Variants in HMGCLL1 observed in about 807,000 individuals in gnomAD.
The protein encoded by HMGCLL1 is 3-hydroxy-3-methylglutaryl-CoA lyase like 1.
Under a neutral mutation model 39.1 loss-of-function variants are expected in HMGCLL1, and 36 were observed. The ratio of observed to expected loss-of-function variants is 0.92; its 90% CI spans 0.71 to 1.22. The LOEUF (loss-of-function observed/expected upper bound fraction) is 1.22. Among genes scored for constraint, HMGCLL1 ranks in the 50% most tolerant of loss-of-function variants. The probability of loss-of-function intolerance (pLI) is 0.00; values close to 1 mark genes in which losing one functional copy is unlikely to be tolerated. For missense variants in HMGCLL1, 451 were observed against 416.5 expected (o/e 1.08, Z -0.72); for synonymous variants, 149 against 144.0 (o/e 1.03, Z -0.25).
intron 5 of HMGCLL1, among the ~76,000 whole-genome samples, chr6:55,504,756 A>T (rs924936879): frequency 6.6e-6 from 1 of 151,766 alleles, no homozygotes; most frequent in Non-Finnish European, 1.5e-5. Flanking sequence ...ACTGTATTCA[A>T]TTGCTATTTC....
At chr6:55,675,594 T>G in the HMGCLL1 span, among the ~76,000 whole-genome samples, 3 of 152,110 alleles carry the variant, frequency 2.0e-5, no homozygotes, top group Non-Finnish European at 4.4e-5. Flanking sequence ...CCTAAGGCAT[T>G]TGAGAGACCA....
chr6:55,533,982 G>C lies in HMGCLL1; in HGVS notation c.297+7747C>G, dbSNP rs1253330346. Among the ~76,000 whole-genome samples the C allele has an allele frequency of 2.0e-5, 3 of 151,562 alleles. No individual in the cohort carries two copies. The East Asian group carries it at 5.8e-4, about 29-fold the overall frequency. Reference sequence around the variant, plus strand: ...GGTCTGGACATAAAAAACAGCTTCAGAAATACAGGGACATAATTTCATTCT... The same window carrying C: ...GGTCTGGACATAAAAAACAGCTTCACAAATACAGGGACATAATTTCATTCT... On this transcript the variant is annotated intron_variant, in intron 3 of 8. Transcript: ENST00000274901.
chr6:55,439,336 A>C lies in HMGCLL1; in HGVS notation c.921+98T>G, dbSNP rs531904158. Reference sequence around the variant, plus strand: ...TTTTAGCAAATAGCAAAAGTGTAGTAAAACTTTGACCTCAAAATTGCTTCC... The same window carrying C: ...TTTTAGCAAATAGCAAAAGTGTAGTCAAACTTTGACCTCAAAATTGCTTCC... On this transcript the variant is annotated intron_variant, in intron 8 of 8. Transcript: ENST00000274901. 12 of 1,233,638 alleles carry C rather than the reference A, an allele frequency of 9.7e-6. No homozygotes were observed. In the South Asian group the frequency reaches 1.7e-4, roughly 17 times the overall value. The allele number at this position is 1,233,638 out of a possible 1,614,324, so 76.4% of individuals were successfully genotyped here.
At chr6:55,437,449 G>A (rs1165417756) in intron 8 of HMGCLL1, among the ~76,000 whole-genome samples, 2 of 151,926 alleles carry the variant, frequency 1.3e-5, no homozygotes, top group African/African-American at 4.8e-5. Flanking sequence ...ATGTGTCAGG[G>A]AAAAGTGCCA....
At chr6:55,471,763 TCA>T (rs1360389160) in intron 7 of HMGCLL1, among the ~76,000 whole-genome samples, 2 of 151,604 alleles carry the variant, frequency 1.3e-5, no homozygotes, top group African/African-American at 4.8e-5. Flanking sequence ...CAATAAATGT[TCA>T]CAAAGTTAAA....
chr6:55,489,246 A>T (rs1247813704), intron 7 of HMGCLL1, among the ~76,000 whole-genome samples: 2 of 152,124 alleles, frequency 1.3e-5, no homozygotes, highest in East Asian at 3.8e-4. Context: ...TGGCGCAACA[A>T]GAAAATTTCC....
In HMGCLL1 at chr6:55,532,876, A is replaced by G. The variant is rs572671078; in HGVS notation, c.297+8853T>C. The stretch of plus-strand genomic sequence containing the variant: ...TAATAGTTTCCACCATCCCAACAAA[A>G]ACAGTGTTAACATTTCCATATTCTT... On this transcript the variant is annotated intron_variant, in intron 3 of 8. Coordinates refer to ENST00000274901, the MANE Select transcript of HMGCLL1 (RefSeq NM_001042406.2). Among the ~76,000 whole-genome samples the G allele has an allele frequency of 3.3e-5, 5 of 150,174 alleles. No homozygotes were observed. The East Asian group carries it at 7.8e-4, about 23-fold the overall frequency.
intron 3 of HMGCLL1, among the ~76,000 whole-genome samples, chr6:55,536,617 G>C (rs150345748): frequency 6.6e-5 from 10 of 152,102 alleles, no homozygotes; most frequent in African/African-American, 2.4e-4. Flanking sequence ...GGGCTATCTG[G>C]ACTCATTTCA....
chr6:55,641,180 T>C, the HMGCLL1 span, among the ~76,000 whole-genome samples: 2 of 151,744 alleles, frequency 1.3e-5, no homozygotes, highest in Non-Finnish European at 1.5e-5. Flanking sequence ...TATTTATAAT[T>C]GTATATATTA....
the HMGCLL1 span, among the ~76,000 whole-genome samples, chr6:55,602,188 G>A: frequency 2.0e-5 from 3 of 152,064 alleles, no homozygotes; most frequent in Admixed American, 2.0e-4. Flanking sequence ...ATAGTGGGGA[G>A]TAGAGGTGGC....
Position 55,577,005 on chromosome 6 carries a change from C to G in HMGCLL1, c.108+1943G>C, listed in dbSNP as rs574238736. Reference sequence around the variant, plus strand: ...ACTGGTACACAAACAGTAATCAAATCAGTGAGTGTAGATTGTCACTCAAAC... The same window carrying G: ...ACTGGTACACAAACAGTAATCAAATGAGTGAGTGTAGATTGTCACTCAAAC... On this transcript the variant is annotated intron_variant, in intron 1 of 8. Coordinates refer to ENST00000274901, the MANE Select transcript of HMGCLL1 (RefSeq NM_001042406.2). 93 of 1,577,654 alleles carry G rather than the reference C, an allele frequency of 5.9e-5. 1 individual carries two copies. The East Asian group carries it at 9.7e-4, about 16-fold the overall frequency.
At chr6:55,446,422 C>T (rs1763843060) in intron 7 of HMGCLL1, among the ~76,000 whole-genome samples, 1 of 151,600 alleles carries the variant, frequency 6.6e-6, no homozygotes, top group South Asian at 2.1e-4. Flanking sequence ...AAGCTATTAA[C>T]TCAATGGCCC....
At chr6:55,628,032 G>T in the HMGCLL1 span, among the ~76,000 whole-genome samples, 1 of 588 alleles carries the variant, frequency 1.7e-3, no homozygotes, top group Non-Finnish European at 2.4e-3. Context: ...TATATATATA[G>T]TATATTTTAT....
chr6:55,539,915 A>G (rs920774217), intron 3 of HMGCLL1, among the ~76,000 whole-genome samples: 1 of 124,332 alleles, frequency 8.0e-6, no homozygotes, highest in African/African-American at 3.2e-5. Flanking sequence ...AGAAAGAAAG[A>G]AAGAAAAGGA....
intron 3 of HMGCLL1, among the ~76,000 whole-genome samples, chr6:55,533,697 T>C (rs1768824951): frequency 6.6e-6 from 1 of 150,876 alleles, no homozygotes; most frequent in Admixed American, 6.6e-5. Flanking sequence ...CCATCCTGGC[T>C]AACACGGTGA....
At chr6:55,678,026 A>G in the HMGCLL1 span, among the ~76,000 whole-genome samples, 1 of 152,118 alleles carries the variant, frequency 6.6e-6, no homozygotes. Flanking sequence ...TCATGAACAT[A>G]CTCTAGCCTC....
chr6:55,525,135 C>G (rs1207359887), intron 3 of HMGCLL1, among the ~76,000 whole-genome samples: 1 of 151,630 alleles, frequency 6.6e-6, no homozygotes, highest in Non-Finnish European at 1.5e-5. Flanking sequence ...ATAAATCTTT[C>G]CCTTACTTCA....
chr6:55,666,581 A>T, the HMGCLL1 span, among the ~76,000 whole-genome samples: 3 of 151,694 alleles, frequency 2.0e-5, no homozygotes, highest in African/African-American at 7.3e-5. Flanking sequence ...GCCACAAATT[A>T]TCATAGATTC....
the HMGCLL1 span, among the ~76,000 whole-genome samples, chr6:55,614,866 T>C: frequency 3.3e-5 from 5 of 152,068 alleles, no homozygotes; most frequent in East Asian, 9.6e-4. Flanking sequence ...TTAAATCTTA[T>C]ATGTAAGGCT....
Sources: gnomAD v4.1 joint callset for allele counts (sites outside exome capture counted in the v4.1 genomes callset) on GRCh38, gnomAD v4.1.1 for gene constraint, MANE v1.5 for transcripts, NCBI Gene and HGNC (gene_info 2026-07-23, HGNC 2026-07-21) for gene names.